FAM120C: variants seen among roughly 807,000 people sequenced by gnomAD.
FAM120C encodes family with sequence similarity 120 member C, also known as constitutive coactivator of PPAR-gamma-like protein 2.
FAM120C carries 14 observed loss-of-function variants against 71.2 expected under a neutral mutation model. That is an observed-to-expected ratio of 0.20 (90% CI 0.13 to 0.31). The LOEUF is 0.31. FAM120C is among the 10% of genes least tolerant of loss of function. FAM120C has a pLI of 1.00. For synonymous variants in FAM120C, 354 were observed against 353.2 expected, an observed-to-expected ratio of 1.00 and a Z score of -0.03; for missense variants, 500 against 879.0, an observed-to-expected ratio of 0.57 and a Z score of 5.45.
intron 13 of FAM120C, among the ~76,000 whole-genome samples, chrX:54,083,477 A>ACACC (rs1269380471): frequency 5.1e-4 from 54 of 104,876 alleles, no homozygotes; most frequent in East Asian, 2.1e-3. Flanking sequence ...ACACACACAC[A>ACACC]CCAAAATATT....
chrX:54,087,312 A>T (rs1237469632), intron 12 of FAM120C, among the ~76,000 whole-genome samples: 3 of 221 alleles, frequency 0.014, no homozygotes, highest in African/African-American at 0.019. Context: ...ACTCCGTCTA[A>T]AAAAAAAAAA....
rs1244149898 is a variant in FAM120C at position 54,072,354 on chromosome X, T to G, written c.*679A>C. ...AGGAAAAATCTGCCCAGTACTTTTC[T>G]GATTCACTTGAATCCCCCAGTACAA... On this transcript the variant is annotated 3_prime_UTR_variant, in exon 16 of 16. Coordinates refer to ENST00000375180, the MANE Select transcript of FAM120C (RefSeq NM_017848.6). 2.7e-5 allele frequency: 3 copies of G among 110,739 alleles called. No individual in the cohort carries two copies. Among genetic ancestry groups the G allele is most frequent in the Non-Finnish European group, 1.9e-5 (1 of 52,919 alleles). 9.1% of individuals were successfully genotyped at this position (110,739 alleles called of 1,213,427 possible).
chrX:54,099,780 T>C (rs184806372), intron 10 of FAM120C, among the ~76,000 whole-genome samples: 301 of 112,536 alleles, frequency 2.7e-3, no homozygotes, highest in Non-Finnish European at 4.9e-3. Context: ...TGACCACAAA[T>C]AGCAGAGTTT....
intron 10 of FAM120C, among the ~76,000 whole-genome samples, chrX:54,094,144 G>A (rs1429324851): frequency 1.1e-5 from 1 of 91,040 alleles, no homozygotes; most frequent in Non-Finnish European, 2.1e-5. Context: ...AGGATGGAGT[G>A]CAGTGGCATG....
intron 10 of FAM120C, among the ~76,000 whole-genome samples, chrX:54,096,110 A>C (rs1321374306): frequency 8.9e-6 from 1 of 111,918 alleles, no homozygotes; most frequent in South Asian, 3.7e-4. Context: ...CAAGAAAAAA[A>C]TATTAATAAG....
intron 15 of FAM120C, among the ~76,000 whole-genome samples, chrX:54,076,739 A>C (rs781904927): frequency 1.9e-3 from 212 of 112,098 alleles, no homozygotes; most frequent in African/African-American, 6.4e-3. Flanking sequence ...GTATTCAATG[A>C]GACACTATAT....
At chrX:54,097,783 G>A (rs1016169936) in intron 10 of FAM120C, among the ~76,000 whole-genome samples, 8 of 111,034 alleles carry the variant, frequency 7.2e-5, no homozygotes, top group African/African-American at 2.6e-4. Flanking sequence ...CTGGAGTGCA[G>A]TGGCACGATC....
chrX:54,117,532 CAAA>C (rs371728081), intron 9 of FAM120C, among the ~76,000 whole-genome samples: 1 of 84,164 alleles, frequency 1.2e-5, no homozygotes, highest in Non-Finnish European at 2.4e-5. Flanking sequence ...CTGTTTCTAC[CAAA>C]AAAAAAAAAA....
chrX:54,113,684 G>A (rs1411893390), intron 10 of FAM120C, among the ~76,000 whole-genome samples: 1 of 110,125 alleles, frequency 9.1e-6, no homozygotes, highest in Non-Finnish European at 1.9e-5. Context: ...GGCCGAGGTG[G>A]GCAGATCACC....
intron 9 of FAM120C, among the ~76,000 whole-genome samples, chrX:54,124,685 C>A (rs1285037975): frequency 4.6e-5 from 5 of 108,653 alleles, no homozygotes; most frequent in Non-Finnish European, 9.6e-5. Flanking sequence ...TCTTCTGCGT[C>A]GCTCACGCTG....
chrX:54,134,000 T>G lies in FAM120C; in HGVS notation c.1663A>C (p.Asn555His), dbSNP rs1557129943. The G allele has an allele frequency of 8.3e-7, 1 of 1,211,633 alleles. No individual in the cohort carries two copies. The highest frequency in any genetic ancestry group is 1.1e-6 in the Non-Finnish European group (1 of 895,427). The change falls in exon 8 of 16, where the codon AAT (asparagine) becomes CAT (histidine). Residue 555 changes from asparagine to histidine, a missense_variant. Physicochemically the swap from Asn to His is moderately conservative, Grantham distance 68 (BLOSUM62 1). Transcript: ENST00000375180. ...FHHQPEWGNP[N>H]RDRGSWAQPV... is the part of the protein sequence containing the mutation. ...TGTGCCCAGGACCCTCTGTCACGAT[T>G]GGGATTTCCCCACTCAGGCTGGTGA...
intron 3 of FAM120C, among the ~76,000 whole-genome samples, chrX:54,152,279 G>A (rs2067188004): frequency 9.1e-6 from 1 of 109,783 alleles, no homozygotes; most frequent in Non-Finnish European, 1.9e-5. Context: ...TTGCTCTGTC[G>A]CCCAGGCTGG....
intron 6 of FAM120C, 109 bp downstream of exon 6, chrX:54,135,419 T>C (rs2067089562): frequency 4.3e-6 from 3 of 690,390 alleles, no homozygotes; most frequent in Non-Finnish European, 6.5e-6. Flanking sequence ...ATATAGTATA[T>C]ATAGCCCTGA....
intron 1 of FAM120C, among the ~76,000 whole-genome samples, chrX:54,161,772 CG>C (rs1476445206): frequency 8.9e-6 from 1 of 112,087 alleles, no homozygotes; most frequent in Non-Finnish European, 1.9e-5. Context: ...GCCGGGGCTA[CG>C]GGCGCATGCC....
intron 4 of FAM120C, among the ~76,000 whole-genome samples, chrX:54,144,605 C>G: frequency 9.0e-6 from 1 of 111,267 alleles, no homozygotes; most frequent in Non-Finnish European, 1.9e-5. Context: ...ATCCAATTTA[C>G]AAGGGCTGTG....
chrX:54,136,852 A>G (rs2067097018), intron 4 of FAM120C, among the ~76,000 whole-genome samples: 1 of 110,921 alleles, frequency 9.0e-6, no homozygotes, highest in African/African-American at 3.3e-5. Context: ...GATAAGGGGG[A>G]AAAATCACAT....
At chrX:54,091,722 T>A (rs782164573) in intron 10 of FAM120C, among the ~76,000 whole-genome samples, 94 of 111,697 alleles carry the variant, frequency 8.4e-4, no homozygotes, top group Admixed American at 1.6e-3. Context: ...AAAGATGGTA[T>A]CCTGAGAAAA....
At chrX:54,141,656 GAAAAT>G (rs1166255554) in intron 4 of FAM120C, among the ~76,000 whole-genome samples, 1 of 109,490 alleles carries the variant, frequency 9.1e-6, no homozygotes, top group Non-Finnish European at 1.9e-5. Flanking sequence ...ATACAGATGG[GAAAAT>G]AAAATAAAAT....
intron 10 of FAM120C, among the ~76,000 whole-genome samples, chrX:54,092,891 C>T (rs1405885630): frequency 9.0e-6 from 1 of 111,151 alleles, no homozygotes; most frequent in Admixed American, 9.7e-5. Context: ...TTTAATATAC[C>T]ACTATTAAGC....
Sources: allele counts gnomAD v4.1 joint callset (sites outside exome capture counted in the v4.1 genomes callset), GRCh38; gene constraint gnomAD v4.1.1; transcripts MANE v1.5; gene names NCBI Gene and HGNC (gene_info 2026-07-23, HGNC 2026-07-21).